TSPAN15: variants seen among roughly 807,000 people sequenced by gnomAD.
TSPAN15 encodes tetraspanin 15, also known as tetraspanin-15.
Under a neutral mutation model 34.5 loss-of-function variants are expected in TSPAN15, and 20 were observed. The ratio of observed to expected loss-of-function variants is 0.58; its 90% CI spans 0.41 to 0.84. The LOEUF is 0.84. Among genes scored for constraint, TSPAN15 ranks in the 40% least tolerant of loss-of-function variants. The pLI, the probability that TSPAN15 is intolerant of heterozygous loss-of-function variation, is 0.00. For missense variants in TSPAN15, 313 were observed against 386.1 expected (o/e 0.81, Z 1.59); for synonymous variants, 155 against 153.9 (o/e 1.01, Z -0.05).
the TSPAN15 span, among the ~76,000 whole-genome samples, chr10:69,528,713 T>C: frequency 1.3e-5 from 2 of 148,374 alleles, 1 homozygote; most frequent in African/African-American, 4.9e-5. Flanking sequence ...ATAGCTGCTT[T>C]CCGCAGCCAG....
downstream of TSPAN15, among the ~76,000 whole-genome samples, chr10:69,508,063 C>A (rs183316321): frequency 6.6e-6 from 1 of 152,072 alleles, no homozygotes. Flanking sequence ...CCGGGACTTG[C>A]GTGCGTCAGT....
intron 1 of TSPAN15, among the ~76,000 whole-genome samples, chr10:69,471,551 T>TTCTTTCTCTCTC (rs1554832144): frequency 0.016 from 2,351 of 151,178 alleles, 72 homozygotes; most frequent in African/African-American, 0.055. Context: ...CTTTCTTTCT[T>TTCTTTCTCTCTC]TCTCTCTCAC....
intron 1 of TSPAN15, among the ~76,000 whole-genome samples, chr10:69,466,347 G>A (rs61848398): frequency 0.17 from 25,311 of 152,038 alleles, 2,634 homozygotes; most frequent in Non-Finnish European, 0.23. Context: ...TCAGATTCCC[G>A]TCTGCAAAAT....
Position 69,480,688 on chromosome 10 carries a change from T to A in TSPAN15, c.97-3003T>A, listed in dbSNP as rs187036464. On this transcript the variant is annotated intron_variant, in intron 1 of 7. Coordinates refer to ENST00000373290, the MANE Select transcript of TSPAN15 (RefSeq NM_012339.5). ...CACTGAGGAAGGGGACTTGGCCTTT[T>A]TTTTCTTTTCTTTTCTTCTTCTTTT... 1.2e-3 allele frequency among the ~76,000 whole-genome samples: 182 copies of A among 152,176 alleles called. 1 individual carries two copies. The highest frequency in any genetic ancestry group is 3.9e-3 in the African/African-American group (162 of 41,512).
chr10:69,539,494 A>AAGG, the TSPAN15 span, among the ~76,000 whole-genome samples: 3 of 66,060 alleles, frequency 4.5e-5, no homozygotes, highest in South Asian at 5.0e-4. Flanking sequence ...GAAGAAGAAG[A>AAGG]AGAAGAAGAA....
chr10:69,516,077 G>T, the TSPAN15 span, among the ~76,000 whole-genome samples: 6 of 152,216 alleles, frequency 3.9e-5, no homozygotes, highest in Non-Finnish European at 8.8e-5. Context: ...CATTTCATAG[G>T]CTGGGAAACT....
At chr10:69,497,438 G>A (rs1443364556) in intron 4 of TSPAN15, among the ~76,000 whole-genome samples, 2 of 152,170 alleles carry the variant, frequency 1.3e-5, no homozygotes, top group South Asian at 2.1e-4. Flanking sequence ...TTGTTTCTGC[G>A]TGGGGCCTTT....
chr10:69,535,851 G>A, the TSPAN15 span, among the ~76,000 whole-genome samples: 1 of 152,212 alleles, frequency 6.6e-6, no homozygotes, highest in Admixed American at 6.5e-5. Context: ...GAGCCTGCTC[G>A]CTGTCCATCC....
intron 3 of TSPAN15, among the ~76,000 whole-genome samples, chr10:69,490,287 A>G (rs960899164): frequency 1.3e-5 from 2 of 152,150 alleles, no homozygotes; most frequent in African/African-American, 4.8e-5. Flanking sequence ...TCCGACGGGG[A>G]TTGGTTCCAG....
intron 1 of TSPAN15, among the ~76,000 whole-genome samples, chr10:69,471,203 A>T (rs1020503901): frequency 8.5e-5 from 13 of 152,212 alleles, no homozygotes; most frequent in African/African-American, 3.1e-4. Context: ...CTCGTTGCAC[A>T]CCCAGTTCTT....
intron 1 of TSPAN15, among the ~76,000 whole-genome samples, chr10:69,461,507 C>T (rs912756899): frequency 6.6e-6 from 1 of 152,302 alleles, no homozygotes; most frequent in East Asian, 1.9e-4. Context: ...AGGATGTTGC[C>T]TGTGACCTTG....
chr10:69,458,032 A>G (rs960504929), intron 1 of TSPAN15, among the ~76,000 whole-genome samples: 1 of 152,212 alleles, frequency 6.6e-6, no homozygotes, highest in Non-Finnish European at 1.5e-5. Context: ...AGTTGCCTGA[A>G]AGCCCACAGC....
intron 1 of TSPAN15, among the ~76,000 whole-genome samples, chr10:69,482,845 C>T (rs1841764680): frequency 6.6e-6 from 1 of 152,178 alleles, no homozygotes. Flanking sequence ...CAGATTGGGT[C>T]TGTAGTAGTC....
At chr10:69,512,605 A>G (rs542462567), downstream of TSPAN15, among the ~76,000 whole-genome samples, 1 of 152,308 alleles carries the variant, frequency 6.6e-6, no homozygotes, top group East Asian at 1.9e-4. Context: ...TCCACAGCCT[A>G]TGCTTAAGCA....
chr10:69,534,687 ACT>A, the TSPAN15 span, among the ~76,000 whole-genome samples: 2 of 151,780 alleles, frequency 1.3e-5, no homozygotes, highest in East Asian at 3.9e-4. Flanking sequence ...TTAAATAGAA[ACT>A]CTATAATATT....
chr10:69,501,053 AAGG>A (rs201569688), intron 5 of TSPAN15, among the ~76,000 whole-genome samples: 18 of 152,286 alleles, frequency 1.2e-4, no homozygotes, highest in Middle Eastern at 3.4e-3. Context: ...GAGAGAAATC[AAGG>A]AGGATACCCA....
rs1346399644 is a variant in TSPAN15 at position 69,506,102 on chromosome 10, G to T, written c.619-22G>T. 1.2e-6 allele frequency: 2 copies of T among 1,608,818 alleles called. No individual in the cohort carries two copies. Among genetic ancestry groups the T allele is most frequent in the East Asian group, 4.5e-5 (2 of 44,826 alleles). ...GCCAGCCGAGGTCCTCTGCTGGGCTGACCCAGCTCCTTCCCATGCAGCGTT... is the reference window on the plus strand; with the variant it reads ...GCCAGCCGAGGTCCTCTGCTGGGCTTACCCAGCTCCTTCCCATGCAGCGTT... On this transcript the variant is annotated intron_variant, in intron 6 of 7. Coordinates refer to ENST00000373290, the MANE Select transcript of TSPAN15 (RefSeq NM_012339.5). This position sits in a 1 kb window ranked among gnomAD's most constrained non-coding sequence, Gnocchi z 4.7.
At chr10:69,508,312 G>A (rs1190856039), downstream of TSPAN15, among the ~76,000 whole-genome samples, 3 of 151,702 alleles carry the variant, frequency 2.0e-5, no homozygotes, top group African/African-American at 2.4e-5. Flanking sequence ...ATGGTGGTGC[G>A]CGCCTGTAGT....
chr10:69,539,454 GAA>G, the TSPAN15 span, among the ~76,000 whole-genome samples: 428 of 23,868 alleles, frequency 0.018, 36 homozygotes, highest in African/African-American at 0.047. Context: ...AGAAGAAGAA[GAA>G]GAAGAAGGAG....
Sources: allele counts gnomAD v4.1 joint callset (sites outside exome capture counted in the v4.1 genomes callset), GRCh38; gene constraint gnomAD v4.1.1; non-coding constraint Gnocchi (gnomAD v3.1); transcripts MANE v1.5; gene names NCBI Gene and HGNC (gene_info 2026-07-23, HGNC 2026-07-21).